The following SDHB variants were observed in gnomAD, a reference collection of about 807,000 sequenced individuals.
The protein encoded by SDHB is succinate dehydrogenase [ubiquinone] iron-sulfur subunit, mitochondrial.
Under a neutral mutation model 39.7 loss-of-function variants are expected in SDHB, and 21 were observed. The observed-to-expected ratio is 0.53, with a 90% confidence interval of 0.37 to 0.76. The LOEUF (loss-of-function observed/expected upper bound fraction) is 0.76, where lower values mean the gene tolerates loss of function less well. SDHB is among the 30% of genes least tolerant of loss of function. The pLI, the probability that SDHB is intolerant of heterozygous loss-of-function variation, is 0.00. For missense variants in SDHB, 343 were observed against 350.9 expected (o/e 0.98, Z 0.18); for synonymous variants, 118 against 117.0 (o/e 1.01, Z -0.06).
At position 17,018,817 on chromosome 1, in the gene SDHB, C is replaced by A; in HGVS notation, c.*64G>T. The A allele has an allele frequency of 1.7e-6, 2 of 1,198,704 alleles. No individual in the cohort carries two copies. Among genetic ancestry groups the A allele is most frequent in the South Asian group, 1.2e-5 (1 of 81,316 alleles). 74.3% of individuals were successfully genotyped at this position (1,198,704 alleles called of 1,614,324 possible). A position where few individuals can be genotyped will look rare whatever the true frequency, so the allele number is the denominator to read the frequency against. ...GAAAACCAAGATCTTTAAAGGAACT[C>A]AAATTAGATATAAATTATGTTCAGC... On this transcript the variant is annotated 3_prime_UTR_variant, in exon 8 of 8. Coordinates refer to ENST00000375499, the MANE Select transcript of SDHB (RefSeq NM_003000.3).
chr1:17,029,309 G>C (rs57129155), intron 3 of SDHB, among the ~76,000 whole-genome samples: 1 of 151,784 alleles, frequency 6.6e-6, no homozygotes, highest in Non-Finnish European at 1.5e-5. Context: ...GACTTGCAGA[G>C]ACAGGGTTTT....
At chr1:17,029,093 G>GCTTTTTTT in intron 3 of SDHB, among the ~76,000 whole-genome samples, 1 of 72,030 alleles carries the variant, frequency 1.4e-5, no homozygotes, top group South Asian at 8.3e-4. Context: ...AAATCAGCCT[G>GCTTTTTTT]TTTTTTTTTT....
intron 2 of SDHB, among the ~76,000 whole-genome samples, chr1:17,034,368 C>T (rs985968136): frequency 6.6e-6 from 1 of 152,036 alleles, no homozygotes; most frequent in African/African-American, 2.4e-5. Context: ...AGGCTGGTCT[C>T]TAACTCCTGG....
At position 17,027,531 on chromosome 1, in the gene SDHB, G is replaced by A. The variant is rs6696035; in HGVS notation, c.540+218C>T. The A allele has an allele frequency of 0.032, 17,801 of 551,182 alleles. 390 individuals are homozygous for A. Among genetic ancestry groups the A allele is most frequent in the African/African-American group, 0.081 (4,260 of 52,888 alleles). 34.1% of individuals were successfully genotyped at this position (551,182 alleles called of 1,614,324 possible). On this transcript the variant is annotated intron_variant, in intron 5 of 7. Coordinates refer to ENST00000375499, the MANE Select transcript of SDHB (RefSeq NM_003000.3). ...CAGCAACCACCCGCCCCTGCAGGCG[G>A]GGCACAGGGCTCTAGCTCCTTGGTC... is the stretch of plus-strand genomic sequence containing the variant.
intron 2 of SDHB, among the ~76,000 whole-genome samples, chr1:17,039,909 C>A (rs191512801): frequency 1.3e-5 from 2 of 152,110 alleles, no homozygotes; most frequent in Non-Finnish European, 2.9e-5. Flanking sequence ...CTATGTCCAG[C>A]GCTCTTCATT....
At chr1:17,021,607 G>C (rs528512923) in intron 7 of SDHB, among the ~76,000 whole-genome samples, 94 of 152,194 alleles carry the variant, frequency 6.2e-4, no homozygotes, top group African/African-American at 2.2e-3. Context: ...AGCCAGGCAT[G>C]AGTGGTGCCT....
At chr1:17,025,584 A>C (rs2077987063) in intron 5 of SDHB, among the ~76,000 whole-genome samples, 1 of 152,130 alleles carries the variant, frequency 6.6e-6, no homozygotes, top group African/African-American at 2.4e-5. Flanking sequence ...TAAGTTTTAA[A>C]GTTTTTGTAG....
intron 2 of SDHB, among the ~76,000 whole-genome samples, chr1:17,040,701 T>A (rs1034942061): frequency 6.6e-6 from 1 of 152,158 alleles, no homozygotes; most frequent in Non-Finnish European, 1.5e-5. Context: ...TGGCCTCAAG[T>A]GATCCTTTTG....
chr1:17,020,540 T>C (rs2077955598), intron 7 of SDHB, among the ~76,000 whole-genome samples: 1 of 152,188 alleles, frequency 6.6e-6, no homozygotes, highest in African/African-American at 2.4e-5. Flanking sequence ...ATCCCCTCCA[T>C]GCACAGGTTT....
At chr1:17,028,152 A>G (rs1326638022) in intron 4 of SDHB, among the ~76,000 whole-genome samples, 1 of 152,212 alleles carries the variant, frequency 6.6e-6, no homozygotes, top group Non-Finnish European at 1.5e-5. Context: ...AGGTGTTCAA[A>G]TATAGGGAGG....
At chr1:17,035,467 TG>T (rs1339558103) in intron 2 of SDHB, among the ~76,000 whole-genome samples, 7 of 152,192 alleles carry the variant, frequency 4.6e-5, no homozygotes, top group Non-Finnish European at 8.8e-5. Flanking sequence ...TTTATTCTAA[TG>T]ATCTGCCTGT....
chr1:17,044,282 G>A (rs1045659597), intron 2 of SDHB, among the ~76,000 whole-genome samples: 4 of 151,720 alleles, frequency 2.6e-5, no homozygotes, highest in Admixed American at 2.0e-4. Flanking sequence ...CTTTCATTTG[G>A]GAATTATTTT....
Position 17,027,768 on chromosome 1 carries a change from A to G in SDHB, c.521T>C (p.Ile174Thr), listed in dbSNP as rs200301019. 8 of 1,601,588 alleles carry G rather than the reference A, an allele frequency of 5.0e-6. No individual in the cohort carries two copies. The highest frequency in any genetic ancestry group is 2.2e-5 in the East Asian group (1 of 44,834). The change falls in exon 5 of 8, where the codon ATA (isoleucine) becomes ACA (threonine). Residue 174 changes from isoleucine to threonine, a missense_variant. Physicochemically the swap from Ile to Thr is moderately conservative, Grantham distance 89. Transcript: ENST00000375499. ...AATGACCAGTTTCTCACGCTCTTCT[A>G]TGGACTGCAGATACTGCTGCTTGCC... Reference protein sequence around the residue: ...QEGKQQYLQSIEEREKLDGLY... With the variant: ...QEGKQQYLQSTEEREKLDGLY...
At chr1:17,052,570 T>C (rs889064032) in intron 1 of SDHB, 20 of 152,380 alleles carry the variant, frequency 1.3e-4, no homozygotes, top group African/African-American at 4.1e-4. Context: ...ATTTAATTGT[T>C]TGCTCAGCAA....
intron 3 of SDHB, chr1:17,032,585 C>G (rs2078029557): frequency 4.8e-6 from 1 of 209,498 alleles, no homozygotes. Context: ...GTGGCACCAG[C>G]AGCACAAGTA....
intron 3 of SDHB, among the ~76,000 whole-genome samples, chr1:17,029,428 C>A (rs555728591): frequency 7.8e-6 from 1 of 127,970 alleles, no homozygotes; most frequent in East Asian, 2.2e-4. Flanking sequence ...CCCGTCAAGC[C>A]TATTTTTTTT....
chr1:17,039,011 A>G (rs1191285332), intron 2 of SDHB, among the ~76,000 whole-genome samples: 1 of 152,046 alleles, frequency 6.6e-6, no homozygotes, highest in Non-Finnish European at 1.5e-5. Flanking sequence ...TTTTTCTTGC[A>G]CTTAAAACAG....
intron 2 of SDHB, among the ~76,000 whole-genome samples, chr1:17,043,336 T>C (rs1429141324): frequency 6.6e-6 from 1 of 152,212 alleles, no homozygotes; most frequent in East Asian, 1.9e-4. Flanking sequence ...TTCTATTCCT[T>C]TGAATTTTGC....
chr1:17,052,830 A>C (rs1381669506), intron 1 of SDHB, among the ~76,000 whole-genome samples: 2 of 152,238 alleles, frequency 1.3e-5, no homozygotes, highest in Non-Finnish European at 2.9e-5. Flanking sequence ...ATTTAAGTGC[A>C]AGAGAGGAAG....
Sources: gnomAD v4.1 joint callset for allele counts (sites outside exome capture counted in the v4.1 genomes callset) on GRCh38, gnomAD v4.1.1 for gene constraint, MANE v1.5 for transcripts, NCBI Gene and HGNC (gene_info 2026-07-23, HGNC 2026-07-21) for gene names.